MCCC1: variants seen among roughly 807,000 people sequenced by gnomAD.
MCCC1 encodes methylcrotonyl-CoA carboxylase subunit 1.
MCCC1 carries 64 observed loss-of-function variants against 83.8 expected under a neutral mutation model. The observed-to-expected ratio is 0.76, with a 90% confidence interval of 0.62 to 0.94. The LOEUF is 0.94. MCCC1 is among the 40% of genes least tolerant of loss of function. The probability of loss-of-function intolerance (pLI) is 0.00; values close to 1 mark genes in which losing one functional copy is unlikely to be tolerated. For missense variants in MCCC1, 807 were observed against 904.7 expected, an observed-to-expected ratio of 0.89 and a Z score of 1.39; for synonymous variants, 322 against 315.4, an observed-to-expected ratio of 1.02 and a Z score of -0.22.
At chr3:183,083,721 G>A (rs2108547925) in intron 4 of MCCC1, among the ~76,000 whole-genome samples, 1 of 152,242 alleles carries the variant, frequency 6.6e-6, no homozygotes, top group Non-Finnish European at 1.5e-5. Flanking sequence ...TCAGAAAAAT[G>A]GTCATTAAAA....
chr3:183,082,193 G>A (rs950196928), intron 4 of MCCC1, among the ~76,000 whole-genome samples: 5 of 152,148 alleles, frequency 3.3e-5, no homozygotes, highest in African/African-American at 9.7e-5. Context: ...TCCTACCTTC[G>A]TCTGTGATAC....
chr3:183,084,739 C>T (rs1470567277), intron 4 of MCCC1, among the ~76,000 whole-genome samples: 1 of 151,682 alleles, frequency 6.6e-6, no homozygotes, highest in Admixed American at 6.6e-5. Flanking sequence ...CTGGGCAACA[C>T]AGGGAGGCTC....
chr3:183,072,617 C>T (rs1716780835), intron 4 of MCCC1, 130 bp from the exon 5 acceptor site: 1 of 1,000,018 alleles, frequency 1.0e-6, no homozygotes, highest in African/African-American at 1.6e-5. Flanking sequence ...CTATTAAACT[C>T]TGTTTCCAAA....
chr3:183,107,945 C>T (rs1398578113), intron 1 of MCCC1, among the ~76,000 whole-genome samples: 1 of 151,984 alleles, frequency 6.6e-6, no homozygotes, highest in Non-Finnish European at 1.5e-5. Flanking sequence ...TTGGGTTTGC[C>T]AAAAATAAAA....
chr3:183,049,632 T>G lies in MCCC1; in HGVS notation c.955+2527A>C, dbSNP rs113556440. Reference sequence around the variant, plus strand: ...CACAATAACCTTTAGCCAGGTTAACTAAGAAAAAAAGAAGAGAGAAAATAC... The same window carrying G: ...CACAATAACCTTTAGCCAGGTTAACGAAGAAAAAAAGAAGAGAGAAAATAC... On this transcript the variant is annotated intron_variant, in intron 9 of 18. Coordinates refer to ENST00000265594, the MANE Select transcript of MCCC1 (RefSeq NM_020166.5). Among the ~76,000 whole-genome samples, 130 of 149,138 alleles carry G rather than the reference T, an allele frequency of 8.7e-4. 1 individual carries two copies. The highest frequency in any genetic ancestry group is 2.4e-3 in the African/African-American group (98 of 40,738).
chr3:183,099,529 G>C (rs779270029), upstream of MCCC1: 96 of 1,494,010 alleles, frequency 6.4e-5, no homozygotes, highest in Middle Eastern at 1.7e-4. Context: ...ACGAAGCCTC[G>C]TGACCCCCGC....
intron 4 of MCCC1, among the ~76,000 whole-genome samples, chr3:183,082,507 C>T (rs1464719941): frequency 1.3e-5 from 2 of 152,212 alleles, no homozygotes; most frequent in Non-Finnish European, 2.9e-5. Flanking sequence ...CAGTGCTCAA[C>T]TCAAGAATCA....
rs1324889719 is a variant in MCCC1, at chr3:183,037,352, T to C, written c.1460A>G (p.Asp487Gly). 1 of 1,614,058 alleles carries C rather than the reference T, an allele frequency of 6.2e-7. No homozygotes were observed. Among genetic ancestry groups the C allele is most frequent in the Admixed American group, 1.7e-5 (1 of 60,002 alleles). ...PEFEAGNVHT[D>G]FIPQHHKQLL... ...CTGTTTGTGGTGTTGAGGGATGAAA[T>C]CAGTGTGCACGTTCCCAGCTTCAAA... The change falls in exon 13 of 19, where the codon GAT becomes GGT. Residue 487 changes from aspartate to glycine, a missense_variant. By Grantham distance (94) the Asp-to-Gly change is moderately conservative. Transcript: ENST00000265594.
chr3:183,048,859 T>C lies in MCCC1; in HGVS notation c.955+3300A>G, dbSNP rs542472935. ...ACCACATTCTGGACCATAAACCACA[T>C]CTTAACAAATTTAAAAGAATATAAA... On this transcript the variant is annotated intron_variant, in intron 9 of 18. Transcript: ENST00000265594. 2.0e-4 allele frequency among the ~76,000 whole-genome samples: 31 copies of C among 152,276 alleles called. No homozygotes were observed. In the South Asian group the frequency reaches 2.1e-3, roughly 10 times the overall value.
intron 7 of MCCC1, among the ~76,000 whole-genome samples, chr3:183,067,890 T>C (rs1716369854): frequency 6.6e-6 from 1 of 152,186 alleles, no homozygotes; most frequent in African/African-American, 2.4e-5. Context: ...AAATTTTTTT[T>C]TAAAAACACA....
At chr3:183,086,606 T>A in intron 4 of MCCC1, 87 bp downstream of exon 4, 2 of 1,235,112 alleles carry the variant, frequency 1.6e-6, no homozygotes, top group Non-Finnish European at 2.3e-6. Context: ...TGGGAAAGGC[T>A]AAAAATAGAA....
chr3:183,098,084 C>A (rs1220549968), intron 1 of MCCC1, among the ~76,000 whole-genome samples: 2 of 152,162 alleles, frequency 1.3e-5, no homozygotes, highest in Non-Finnish European at 2.9e-5. Context: ...CGTGTCACCA[C>A]GCCCGGCTAA....
intron 8 of MCCC1, among the ~76,000 whole-genome samples, chr3:183,054,747 G>C (rs1367201506): frequency 6.6e-6 from 1 of 151,966 alleles, no homozygotes; most frequent in African/African-American, 2.4e-5. Context: ...AATCTTGCAG[G>C]CTCCATTCAT....
intron 9 of MCCC1, among the ~76,000 whole-genome samples, chr3:183,047,667 A>C (rs1714654799): frequency 6.6e-6 from 1 of 152,128 alleles, no homozygotes; most frequent in Non-Finnish European, 1.5e-5. Flanking sequence ...AGAATTGAAA[A>C]AAAAAAAACC....
chr3:183,104,635 G>C (rs1221804780), intron 1 of MCCC1, among the ~76,000 whole-genome samples: 1 of 152,076 alleles, frequency 6.6e-6, no homozygotes, highest in Non-Finnish European at 1.5e-5. Context: ...TAAGAAAAAA[G>C]ATCTGTAATG....
At chr3:183,094,442 T>C in intron 2 of MCCC1, 117 bp downstream of exon 2, 2 of 1,021,572 alleles carry the variant, frequency 2.0e-6, no homozygotes, top group Non-Finnish European at 3.0e-6. Context: ...ATCGTGAAAA[T>C]CCAAAATTTA....
At chr3:183,070,870 G>T in intron 7 of MCCC1, 129 bp downstream of exon 7, 1 of 1,134,460 alleles carries the variant, frequency 8.8e-7, no homozygotes, top group South Asian at 1.4e-5. Context: ...TTACATCACA[G>T]GACAGAACTG....
intron 1 of MCCC1, among the ~76,000 whole-genome samples, chr3:183,097,050 G>A (rs1267322772): frequency 6.6e-6 from 1 of 152,190 alleles, no homozygotes; most frequent in Non-Finnish European, 1.5e-5. Flanking sequence ...AAGAGACAGA[G>A]ATCCCACTTA....
chr3:183,037,046 C>T (rs1713670220), intron 13 of MCCC1, among the ~76,000 whole-genome samples, 172 bp downstream of exon 13: 2 of 152,054 alleles, frequency 1.3e-5, no homozygotes, highest in Admixed American at 1.3e-4. Flanking sequence ...TTTATGGGTG[C>T]ATCCATGGTA....
Sources: allele counts gnomAD v4.1 joint callset (sites outside exome capture counted in the v4.1 genomes callset), GRCh38; gene constraint gnomAD v4.1.1; transcripts MANE v1.5; gene names NCBI Gene and HGNC (gene_info 2026-07-23, HGNC 2026-07-21).